NCK2: variants seen among roughly 807,000 people sequenced by gnomAD.
NCK2 encodes NCK adaptor protein 2.
A neutral mutation model predicts 33.9 loss-of-function variants in NCK2; 16 were observed. That is an observed-to-expected ratio of 0.47 (90% confidence interval 0.32 to 0.72). The LOEUF (loss-of-function observed/expected upper bound fraction) is 0.72. NCK2 is among the 30% of genes least tolerant of loss of function. The pLI is 0.03. For synonymous variants in NCK2, 273 were observed against 239.9 expected (o/e 1.14, Z -1.27); for missense variants, 418 against 537.3 (o/e 0.78, Z 2.19).
intron 1 of NCK2, among the ~76,000 whole-genome samples, chr2:105,763,875 T>G (rs1026847721): frequency 6.6e-6 from 1 of 152,250 alleles, no homozygotes; most frequent in Non-Finnish European, 1.5e-5. Context: ...CATGTGGAAC[T>G]ATAAATACCA....
chr2:105,851,051 C>T (rs1322354371), intron 2 of NCK2, among the ~76,000 whole-genome samples: 1 of 152,162 alleles, frequency 6.6e-6, no homozygotes, highest in African/African-American at 2.4e-5. Context: ...GAGAAAAGAC[C>T]GAAGCCTGTG....
Position 105,766,750 on chromosome 2 carries a change from A to G in NCK2, c.-201+21612A>G, listed in dbSNP as rs567220807. Among the ~76,000 whole-genome samples, 3 of 152,344 alleles carry G rather than the reference A, an allele frequency of 2.0e-5. No individual in the cohort carries two copies. The South Asian group carries it at 6.2e-4, about 32-fold the overall frequency. ...TCGAACCAGCCCTGGCTCTGTCCCC[A>G]GACCTTTCCTTTACTCGGCTATCCC... On this transcript the variant is annotated intron_variant, in intron 1 of 4. Coordinates refer to ENST00000233154, the MANE Select transcript of NCK2 (RefSeq NM_003581.5).
chr2:105,746,846 A>G (rs1345182996), intron 1 of NCK2, among the ~76,000 whole-genome samples: 3 of 152,196 alleles, frequency 2.0e-5, no homozygotes, highest in Non-Finnish European at 2.9e-5. Flanking sequence ...TCTGGCGGCT[A>G]CTTGAGGCTG....
chr2:105,830,434 T>C (rs1268577217), intron 2 of NCK2, among the ~76,000 whole-genome samples: 1 of 152,216 alleles, frequency 6.6e-6, no homozygotes, highest in African/African-American at 2.4e-5. Flanking sequence ...CTGAATAGTA[T>C]TCCACTGTGT....
intron 1 of NCK2, among the ~76,000 whole-genome samples, chr2:105,800,131 T>C (rs909585280): frequency 6.6e-6 from 1 of 152,190 alleles, no homozygotes; most frequent in Non-Finnish European, 1.5e-5. Flanking sequence ...AGAGGGTCAG[T>C]GCAGCCATGT....
chr2:105,887,592 C>T (rs1573253504), intron 4 of NCK2, among the ~76,000 whole-genome samples: 1 of 152,188 alleles, frequency 6.6e-6, no homozygotes, highest in African/African-American at 2.4e-5. Context: ...GTACCTGGAG[C>T]AAGGCCCCTC....
chr2:105,776,664 T>G (rs907660059), intron 1 of NCK2, among the ~76,000 whole-genome samples: 2 of 152,134 alleles, frequency 1.3e-5, no homozygotes, highest in Non-Finnish European at 2.9e-5. Flanking sequence ...CAAGCCACCT[T>G]CCTCCTCCAG....
chr2:105,822,278 TGAA>T (rs1371844021), intron 2 of NCK2, among the ~76,000 whole-genome samples: 1 of 152,142 alleles, frequency 6.6e-6, no homozygotes, highest in Non-Finnish European at 1.5e-5. Context: ...CTGCTGCTCC[TGAA>T]GCACCAGGAT....
intron 1 of NCK2, among the ~76,000 whole-genome samples, chr2:105,767,130 C>T (rs887225709): frequency 6.6e-6 from 1 of 152,170 alleles, no homozygotes; most frequent in Non-Finnish European, 1.5e-5. Context: ...AGGGAGGCTC[C>T]GACCTGGAAG....
chr2:105,887,764 G>A (rs912252735), intron 4 of NCK2, among the ~76,000 whole-genome samples: 3 of 152,262 alleles, frequency 2.0e-5, no homozygotes, highest in African/African-American at 2.4e-5. Flanking sequence ...AGGGAGAGGC[G>A]TATCTGATCA....
chr2:105,868,986 G>A (rs1006886636), intron 3 of NCK2, among the ~76,000 whole-genome samples: 49 of 152,268 alleles, frequency 3.2e-4, no homozygotes, highest in African/African-American at 1.1e-3. Flanking sequence ...CGGAACAGGT[G>A]GACCGCACCC....
At chr2:105,765,472 C>G (rs1380710526) in intron 1 of NCK2, among the ~76,000 whole-genome samples, 1 of 152,152 alleles carries the variant, frequency 6.6e-6, no homozygotes, top group Non-Finnish European at 1.5e-5. Flanking sequence ...AGCTGGTGGT[C>G]CCTTCTTTGA....
chr2:105,767,659 T>A (rs1689991038), intron 1 of NCK2, among the ~76,000 whole-genome samples: 1 of 152,190 alleles, frequency 6.6e-6, no homozygotes. Flanking sequence ...ATATCAGGCC[T>A]TTTCCAGAAG....
chr2:105,854,177 C>T (rs1167729794), intron 2 of NCK2: 3 of 152,166 alleles, frequency 2.0e-5, no homozygotes, highest in Admixed American at 1.3e-4. Flanking sequence ...CTTTTCATGG[C>T]TTGATAGCTC....
At chr2:105,829,597 G>T (rs535935205) in intron 2 of NCK2, among the ~76,000 whole-genome samples, 80 of 152,224 alleles carry the variant, frequency 5.3e-4, no homozygotes, top group Admixed American at 1.7e-3. Flanking sequence ...GAGGAGTCGG[G>T]TATTTTTTAC....
intron 3 of NCK2, among the ~76,000 whole-genome samples, chr2:105,873,780 C>A (rs1402607737): frequency 3.3e-5 from 5 of 152,202 alleles, no homozygotes; most frequent in African/African-American, 4.8e-5. Context: ...TCCAGGGGTG[C>A]AACTCTTGGT....
chr2:105,887,522 T>G (rs891997885), intron 4 of NCK2, among the ~76,000 whole-genome samples: 10 of 152,172 alleles, frequency 6.6e-5, no homozygotes, highest in African/African-American at 2.4e-4. Flanking sequence ...TCTACCCTCA[T>G]CATTTCATAA....
chr2:105,816,061 TG>T (rs994934879), intron 1 of NCK2, among the ~76,000 whole-genome samples: 6 of 137,172 alleles, frequency 4.4e-5, no homozygotes, highest in African/African-American at 1.5e-4. Context: ...GAATGAAAGG[TG>T]GGAAGAGGGA....
intron 3 of NCK2, among the ~76,000 whole-genome samples, chr2:105,876,404 C>G (rs1307060496): frequency 6.6e-6 from 1 of 152,260 alleles, no homozygotes; most frequent in Non-Finnish European, 1.5e-5. Context: ...GAAGGATCCA[C>G]CTGGCCTGCA....
Sources: gnomAD v4.1 joint callset for allele counts (sites outside exome capture counted in the v4.1 genomes callset) on GRCh38, gnomAD v4.1.1 for gene constraint, MANE v1.5 for transcripts, NCBI Gene and HGNC (gene_info 2026-07-23, HGNC 2026-07-21) for gene names.